Variants in GPR39 observed in about 807,000 individuals in gnomAD.
GPR39 encodes zinc sensing receptor.
GPR39 carries 23 observed loss-of-function variants against 18.4 expected under a neutral mutation model. The ratio of observed to expected loss-of-function variants is 1.25; its 90% CI spans 0.90 to 1.77. The LOEUF is 1.77. Among genes scored for constraint, GPR39 ranks in the 40% most tolerant of loss-of-function variants. GPR39 has a pLI of 0.00. For synonymous variants in GPR39, 280 were observed against 257.9 expected, an observed-to-expected ratio of 1.09 and a Z score of -0.82; for missense variants, 647 against 602.4, an observed-to-expected ratio of 1.07 and a Z score of -0.78.
At chr2:132,456,826 T>C (rs1680737054) in intron 1 of GPR39, among the ~76,000 whole-genome samples, 1 of 152,246 alleles carries the variant, frequency 6.6e-6, no homozygotes, top group Non-Finnish European at 1.5e-5. Flanking sequence ...TTCTGGCTTG[T>C]AGGGTTTCTG....
At chr2:132,466,065 T>A (rs921301240) in intron 1 of GPR39, among the ~76,000 whole-genome samples, 2 of 152,236 alleles carry the variant, frequency 1.3e-5, no homozygotes, top group African/African-American at 4.8e-5. Flanking sequence ...CCTTGCAGGC[T>A]GTGTCTTGGC....
At chr2:132,531,504 C>T (rs923523419) in intron 1 of GPR39, among the ~76,000 whole-genome samples, 37 of 151,674 alleles carry the variant, frequency 2.4e-4, no homozygotes, top group Non-Finnish European at 4.6e-4. Flanking sequence ...CCAAGTGGAC[C>T]TAATAGACAA....
chr2:132,532,682 T>C (rs188516318), intron 1 of GPR39, among the ~76,000 whole-genome samples: 3 of 152,224 alleles, frequency 2.0e-5, no homozygotes, highest in Non-Finnish European at 4.4e-5. Context: ...GATGCAAGGC[T>C]GTTTCAACAT....
At chr2:132,471,774 A>C (rs1194631066) in intron 1 of GPR39, among the ~76,000 whole-genome samples, 1 of 151,856 alleles carries the variant, frequency 6.6e-6, no homozygotes, top group South Asian at 2.1e-4. Context: ...GCCCCAGGTC[A>C]TTGTCGTACT....
intron 1 of GPR39, among the ~76,000 whole-genome samples, chr2:132,504,467 G>T (rs983846324): frequency 5.3e-5 from 8 of 152,130 alleles, no homozygotes; most frequent in Non-Finnish European, 1.2e-4. Flanking sequence ...TGTCGTTGGG[G>T]TGCTCAAAAT....
At chr2:132,550,897 T>C (rs1680030636) in intron 1 of GPR39, among the ~76,000 whole-genome samples, 2 of 152,310 alleles carry the variant, frequency 1.3e-5, no homozygotes, top group South Asian at 4.1e-4. Context: ...ATTTTTACCA[T>C]GTGTAATTTT....
chr2:132,416,949 C>A lies in GPR39; in HGVS notation c.-94C>A. Reference sequence around the variant, plus strand: ...AGTGAGATAAAATCGTGCGCCCACGCAGGTGAGTTTGCAGCCAAGAATTTT... The same window carrying A: ...AGTGAGATAAAATCGTGCGCCCACGAAGGTGAGTTTGCAGCCAAGAATTTT... On this transcript the variant is annotated 5_prime_UTR_variant, in exon 1 of 2. Coordinates refer to ENST00000329321, the MANE Select transcript of GPR39 (RefSeq NM_001508.3). The A allele has an allele frequency of 6.9e-7, 1 of 1,448,234 alleles. No homozygotes were observed. The highest frequency in any genetic ancestry group is 1.3e-5 in the South Asian group (1 of 76,540). 89.7% of individuals were successfully genotyped at this position (1,448,234 alleles called of 1,614,324 possible).
intron 1 of GPR39, among the ~76,000 whole-genome samples, chr2:132,568,307 C>T (rs899692895): frequency 6.6e-6 from 1 of 151,850 alleles, no homozygotes; most frequent in Admixed American, 6.6e-5. Context: ...AGTTGTTGGG[C>T]GGGGGTGTGA....
intron 1 of GPR39, among the ~76,000 whole-genome samples, chr2:132,426,386 G>T (rs1311048755): frequency 2.0e-5 from 3 of 152,200 alleles, no homozygotes; most frequent in Non-Finnish European, 2.9e-5. Context: ...GTATTGAATT[G>T]ATCTTATAAT....
chr2:132,471,690 T>G (rs1681035285), intron 1 of GPR39, among the ~76,000 whole-genome samples: 1 of 151,382 alleles, frequency 6.6e-6, no homozygotes, highest in African/African-American at 2.4e-5. Context: ...ACTCGTTGCC[T>G]TAACTTCACT....
chr2:132,509,498 A>G (rs544871887), intron 1 of GPR39, among the ~76,000 whole-genome samples: 1 of 152,180 alleles, frequency 6.6e-6, no homozygotes, highest in African/African-American at 2.4e-5. Context: ...TCCTTGTCTG[A>G]ACTTAGGAGC....
At chr2:132,615,682 G>T (rs1374109084) in intron 1 of GPR39, among the ~76,000 whole-genome samples, 1 of 152,200 alleles carries the variant, frequency 6.6e-6, no homozygotes. Flanking sequence ...TAGCAAGAGG[G>T]ATTAGTTGCT....
At chr2:132,591,275 AAAC>A (rs1285442097) in intron 1 of GPR39, among the ~76,000 whole-genome samples, 19,978 of 109,276 alleles carry the variant, frequency 0.18, 3,454 homozygotes, top group Non-Finnish European at 0.22. Context: ...AAAAAAAAAA[AAAC>A]AAAAAAAAAC....
chr2:132,521,758 G>A (rs1475256965), intron 1 of GPR39, among the ~76,000 whole-genome samples: 1 of 152,082 alleles, frequency 6.6e-6, no homozygotes, highest in Non-Finnish European at 1.5e-5. Flanking sequence ...TTAGCAATTT[G>A]TATAGCAATA....
Position 132,487,999 on chromosome 2 carries a change from AT to A in GPR39, c.856+70102del, listed in dbSNP as rs370612631. Among the ~76,000 whole-genome samples the A allele has an allele frequency of 2.7e-3, 405 of 152,344 alleles. 2 individuals carry two copies. Among genetic ancestry groups the A allele is most frequent in the Admixed American group, 7.0e-3 (107 of 15,300 alleles). On this transcript the variant is annotated intron_variant, in intron 1 of 1. Coordinates refer to ENST00000329321, the MANE Select transcript of GPR39 (RefSeq NM_001508.3). ...AATGAAATTGTAATGCCAAAGACAA[AT>A]GTAAAATAGTAAAAGAAAAACAGTG...
chr2:132,616,298 G>T (rs1335454557), intron 1 of GPR39, among the ~76,000 whole-genome samples: 3 of 152,092 alleles, frequency 2.0e-5, no homozygotes, highest in Admixed American at 1.3e-4. Context: ...GCAGAGCCAG[G>T]ATTCGACCCA....
chr2:132,535,497 C>T (rs1679739093), intron 1 of GPR39, among the ~76,000 whole-genome samples: 1 of 152,106 alleles, frequency 6.6e-6, no homozygotes, highest in South Asian at 2.1e-4. Context: ...CATCGATGTT[C>T]ATCAGGGATA....
At chr2:132,595,488 C>T (rs1324184731) in intron 1 of GPR39, among the ~76,000 whole-genome samples, 1 of 152,024 alleles carries the variant, frequency 6.6e-6, no homozygotes, top group East Asian at 1.9e-4. Flanking sequence ...GGCCTGGTGA[C>T]CTAGTTGGAG....
chr2:132,444,941 G>T (rs1680507610), intron 1 of GPR39, among the ~76,000 whole-genome samples: 1 of 152,154 alleles, frequency 6.6e-6, no homozygotes, highest in Admixed American at 6.5e-5. Context: ...AAAGGTACCA[G>T]TTTCCTAAGA....
Sources: allele counts gnomAD v4.1 joint callset (sites outside exome capture counted in the v4.1 genomes callset), GRCh38; gene constraint gnomAD v4.1.1; transcripts MANE v1.5; gene names NCBI Gene and HGNC (gene_info 2026-07-23, HGNC 2026-07-21).